Variants in DNAH14 observed in about 807,000 individuals in gnomAD.
DNAH14 encodes the protein axonemal beta dynein heavy chain 14.
In DNAH14, 478 loss-of-function variants were observed where a neutral mutation model predicts 520.9. That is an observed-to-expected ratio of 0.92 (90% CI 0.85 to 0.99). The LOEUF (loss-of-function observed/expected upper bound fraction) is 0.99. Ranked by LOEUF, DNAH14 falls within the 50% of genes least tolerant of loss-of-function variation. The probability of loss-of-function intolerance (pLI) is 0.00; values close to 1 mark genes in which losing one functional copy is unlikely to be tolerated. For synonymous variants in DNAH14, 1,581 were observed against 1,757.2 expected (o/e 0.90, Z 2.51); for missense variants, 4,831 against 5,234.5 (o/e 0.92, Z 2.38).
Position 225,103,678 on chromosome 1 carries a change from A to T in DNAH14, c.3867+2794A>T, listed in dbSNP as rs569004408. ...TTGTGAATGGGAGTTCACTCATGAT[A>T]TGGCTCTCTGTTTGTCTGTCATTGG... On this transcript the variant is annotated intron_variant, in intron 23 of 85. Transcript: ENST00000682510. Among the ~76,000 whole-genome samples the T allele has an allele frequency of 7.9e-5, 12 of 152,094 alleles. No individual in the cohort carries two copies. The East Asian group carries it at 1.2e-3, about 15-fold the overall frequency.
At chr1:225,374,051 G>A (rs2095654240) in intron 77 of DNAH14, among the ~76,000 whole-genome samples, 1 of 146,264 alleles carries the variant, frequency 6.8e-6, no homozygotes, top group Non-Finnish European at 1.5e-5. Flanking sequence ...CAAGGATGTA[G>A]TTAGCCAAGA....
intron 41 of DNAH14, among the ~76,000 whole-genome samples, chr1:225,229,848 T>C (rs2090933107): frequency 6.6e-6 from 1 of 152,218 alleles, no homozygotes; most frequent in Admixed American, 6.5e-5. Flanking sequence ...CACACCACCA[T>C]GGTACATGTA....
rs116573964 is a variant in DNAH14, at chr1:225,124,643, A to G, written c.4254+1029A>G. On this transcript the variant is annotated intron_variant, in intron 27 of 85. Coordinates refer to ENST00000682510, the MANE Select transcript of DNAH14 (RefSeq NM_001367479.1). ...TTCTCTTGCTATTTCCACCACATCT[A>G]CAGTTACTTCCACTGAAGTCTTGAA... Among the ~76,000 whole-genome samples, 496 of 152,234 alleles carry G rather than the reference A, an allele frequency of 3.3e-3. 4 individuals carry two copies. The highest frequency in any genetic ancestry group is 0.011 in the African/African-American group (453 of 41,562).
chr1:225,038,636 A>G, intron 11 of DNAH14, 58 bp from the exon 12 acceptor site: 2 of 1,466,644 alleles, frequency 1.4e-6, no homozygotes, highest in South Asian at 2.8e-5. Flanking sequence ...GGTGTTCTTT[A>G]TATATGTAGA....
intron 25 of DNAH14, 22 bp from the exon 26 acceptor site, chr1:225,119,195 ATAT>A: frequency 6.9e-7 from 1 of 1,449,710 alleles, no homozygotes; most frequent in Non-Finnish European, 9.3e-7. Context: ...ATTCTTCATG[ATAT>A]TATTTTTGAA....
chr1:225,070,704 G>A (rs2071453976), intron 17 of DNAH14, among the ~76,000 whole-genome samples: 1 of 152,172 alleles, frequency 6.6e-6, no homozygotes, highest in Admixed American at 6.5e-5. Context: ...GGAGAGTTCT[G>A]TGGGTATGTC....
intron 56 of DNAH14, among the ~76,000 whole-genome samples, chr1:225,302,132 T>C (rs1476146510): frequency 6.7e-6 from 1 of 148,168 alleles, no homozygotes; most frequent in Admixed American, 6.8e-5. Flanking sequence ...TATTATATAT[T>C]CTGCATATAT....
chr1:225,093,949 A>G (rs575888373), intron 21 of DNAH14, among the ~76,000 whole-genome samples: 1 of 152,300 alleles, frequency 6.6e-6, no homozygotes, highest in South Asian at 2.1e-4. Flanking sequence ...CTTTACAAGA[A>G]TTACAAAGCA....
At chr1:224,951,875 G>C (rs1368668086) in intron 1 of DNAH14, among the ~76,000 whole-genome samples, 1 of 151,882 alleles carries the variant, frequency 6.6e-6, no homozygotes, top group Non-Finnish European at 1.5e-5. Context: ...TCCTGACCTC[G>C]TGATCCACCC....
chr1:225,029,262 T>G (rs2066359897), intron 11 of DNAH14, among the ~76,000 whole-genome samples: 1 of 151,944 alleles, frequency 6.6e-6, no homozygotes, highest in Non-Finnish European at 1.5e-5. Flanking sequence ...TGCCATGGGC[T>G]AGGTGGGGGT....
rs3128651 is a variant in DNAH14, at chr1:225,080,641, A to G, written c.3029A>G (p.Lys1010Arg). 0.92 allele frequency: 1,423,653 copies of G among 1,551,318 alleles called. 663,891 individuals are homozygous for G. Among genetic ancestry groups the G allele is most frequent in the Non-Finnish European group, 0.96 (1,102,735 of 1,146,846 alleles). ...CTATGGGAAGCACAAGAGGAGTGGA[A>G]GCGAGCCTCTTGGGAATGGAGGAAT... ...KKLWEAQEEW[K>R]RASWEWRNSS... The change falls in exon 19 of 86, where the codon AAG (lysine) becomes AGG (arginine). Residue 1010 changes from lysine to arginine, a missense_variant. Coordinates refer to ENST00000682510, the MANE Select transcript of DNAH14 (RefSeq NM_001367479.1).
chr1:225,069,642 T>C lies in DNAH14; in HGVS notation c.2425-9565T>C, dbSNP rs186887941. Among the ~76,000 whole-genome samples the C allele has an allele frequency of 4.9e-3, 746 of 152,306 alleles. 5 individuals are homozygous for C. The highest frequency in any genetic ancestry group is 0.017 in the African/African-American group (703 of 41,550). ...TTGTTGAGGACTTTTGCACTGGTGT[T>C]CATCAAGGATACTGGCCTGAAGTTT... is the stretch of plus-strand genomic sequence containing the variant. On this transcript the variant is annotated intron_variant, in intron 17 of 85. Coordinates refer to ENST00000682510, the MANE Select transcript of DNAH14 (RefSeq NM_001367479.1).
At chr1:225,349,957 A>T (rs2095342323) in intron 71 of DNAH14, among the ~76,000 whole-genome samples, 1 of 152,180 alleles carries the variant, frequency 6.6e-6, no homozygotes, top group Non-Finnish European at 1.5e-5. Context: ...GATCAAACAG[A>T]CATACACAGA....
At chr1:225,188,190 C>G (rs1044456707) in intron 37 of DNAH14, among the ~76,000 whole-genome samples, 1 of 151,874 alleles carries the variant, frequency 6.6e-6, no homozygotes, top group Admixed American at 6.6e-5. Flanking sequence ...GTTTCAGTTA[C>G]TCATGGTCAA....
intron 34 of DNAH14, among the ~76,000 whole-genome samples, chr1:225,154,046 AG>A (rs2080786816): frequency 6.6e-6 from 1 of 152,092 alleles, no homozygotes; most frequent in Admixed American, 6.6e-5. Flanking sequence ...TTTAAAAAAA[AG>A]TGTTTTACAT....
chr1:224,941,197 T>TA (rs1477829117), intron 1 of DNAH14, among the ~76,000 whole-genome samples: 2 of 152,200 alleles, frequency 1.3e-5, no homozygotes, highest in African/African-American at 4.8e-5. Flanking sequence ...CCTGACTTTT[T>TA]AATGATTGCC....
chr1:224,977,259 T>C (rs965130444), intron 8 of DNAH14, among the ~76,000 whole-genome samples: 2 of 147,856 alleles, frequency 1.4e-5, no homozygotes, highest in African/African-American at 2.5e-5. Flanking sequence ...ACACCGCATG[T>C]TCTCACTCAT....
intron 12 of DNAH14, among the ~76,000 whole-genome samples, chr1:225,041,020 G>C (rs573515660): frequency 6.6e-6 from 1 of 152,170 alleles, no homozygotes; most frequent in African/African-American, 2.4e-5. Context: ...TAAGATTCAC[G>C]CATCTATTTC....
intron 23 of DNAH14, among the ~76,000 whole-genome samples, chr1:225,101,118 TTC>T (rs1558956640): frequency 6.6e-6 from 1 of 151,972 alleles, no homozygotes; most frequent in East Asian, 1.9e-4. Context: ...AGTGCCCAGG[TTC>T]CCTTACCTTT....
Sources: gnomAD v4.1 joint callset for allele counts (sites outside exome capture counted in the v4.1 genomes callset) on GRCh38, gnomAD v4.1.1 for gene constraint, MANE v1.5 for transcripts, NCBI Gene and HGNC (gene_info 2026-07-23, HGNC 2026-07-21) for gene names.